Variants in NEDD4L observed in about 807,000 individuals in gnomAD.
NEDD4L encodes E3 ubiquitin-protein ligase NEDD4-like.
Under a neutral mutation model 148.9 loss-of-function variants are expected in NEDD4L, and 54 were observed. That is an observed-to-expected ratio of 0.36 (90% CI 0.29 to 0.45). The LOEUF is 0.45. Among genes scored for constraint, NEDD4L ranks in the 20% least tolerant of loss-of-function variants. The pLI is 1.00. For synonymous variants in NEDD4L, 433 were observed against 440.7 expected (o/e 0.98, Z 0.22); for missense variants, 856 against 1,233.8 (o/e 0.69, Z 4.59).
chr18:58,057,972 C>A (rs1201040990), intron 1 of NEDD4L, among the ~76,000 whole-genome samples: 1 of 152,192 alleles, frequency 6.6e-6, no homozygotes, highest in African/African-American at 2.4e-5. Context: ...GTACCCACTT[C>A]CCTTCACTCA....
intron 1 of NEDD4L, among the ~76,000 whole-genome samples, chr18:58,074,717 T>A (rs1334273605): frequency 6.6e-6 from 1 of 152,162 alleles, no homozygotes; most frequent in Admixed American, 6.5e-5. Flanking sequence ...TAAGGAATGA[T>A]AATTTGTTTT....
chr18:58,201,374 A>G (rs1423355210), intron 2 of NEDD4L, among the ~76,000 whole-genome samples: 2 of 152,196 alleles, frequency 1.3e-5, no homozygotes, highest in Admixed American at 1.3e-4. Flanking sequence ...CTATTTTTAA[A>G]TTATTCTTCA....
Position 58,278,066 on chromosome 18 carries a change from T to G in NEDD4L, c.297+26012T>G, listed in dbSNP as rs375189923. ...TGTTTTCGCCTTCCGTGTCATTGTTTGAGAAATATCCAAGATTCCTTCTTT... is the reference window on the plus strand; with the variant it reads ...TGTTTTCGCCTTCCGTGTCATTGTTGGAGAAATATCCAAGATTCCTTCTTT... On this transcript the variant is annotated intron_variant, in intron 5 of 30. Coordinates refer to ENST00000400345, the MANE Select transcript of NEDD4L (RefSeq NM_001144967.3). Among the ~76,000 whole-genome samples, 7 of 152,346 alleles carry G rather than the reference T, an allele frequency of 4.6e-5. No individual in the cohort carries two copies. The South Asian group carries it at 6.2e-4, about 14-fold the overall frequency.
At chr18:58,354,717 C>G (rs986143141) in intron 18 of NEDD4L, among the ~76,000 whole-genome samples, 28 of 152,060 alleles carry the variant, frequency 1.8e-4, no homozygotes, top group Non-Finnish European at 3.7e-4. Flanking sequence ...GAGGTTAGGT[C>G]CAGTGGGAAG....
intron 5 of NEDD4L, among the ~76,000 whole-genome samples, chr18:58,253,445 A>G (rs2048152776): frequency 6.6e-6 from 1 of 152,242 alleles, no homozygotes; most frequent in Admixed American, 6.5e-5. Context: ...ACAGTCGTAC[A>G]GTGTAACTAA....
chr18:58,192,533 G>T (rs2040223898), intron 2 of NEDD4L, among the ~76,000 whole-genome samples: 1 of 152,220 alleles, frequency 6.6e-6, no homozygotes, highest in Non-Finnish European at 1.5e-5. Context: ...CTCTAGTTTA[G>T]TGATTCACGT....
chr18:58,107,843 A>T (rs45448), intron 1 of NEDD4L, among the ~76,000 whole-genome samples: 10,785 of 152,108 alleles, frequency 0.071, 491 homozygotes, highest in African/African-American at 0.12. Context: ...CTCCCAAGTA[A>T]TTGGGACTAC....
At chr18:58,147,100 G>A (rs1324828683) in intron 1 of NEDD4L, among the ~76,000 whole-genome samples, 1 of 152,220 alleles carries the variant, frequency 6.6e-6, no homozygotes, top group Non-Finnish European at 1.5e-5. Flanking sequence ...AGAATATGTA[G>A]CAGGGTGGTT....
At chr18:58,104,667 G>A (rs2084958983) in intron 1 of NEDD4L, among the ~76,000 whole-genome samples, 1 of 152,060 alleles carries the variant, frequency 6.6e-6, no homozygotes, top group South Asian at 2.1e-4. Flanking sequence ...TCACTTCCTT[G>A]TACATTTATA....
intron 2 of NEDD4L, among the ~76,000 whole-genome samples, chr18:58,243,211 C>T (rs2046851821): frequency 6.6e-6 from 1 of 152,168 alleles, no homozygotes; most frequent in Non-Finnish European, 1.5e-5. Context: ...AAAATGAGAG[C>T]AACAGAGTTT....
chr18:58,341,588 C>A, intron 14 of NEDD4L, 90 bp from the exon 15 acceptor site: 1 of 1,380,632 alleles, frequency 7.2e-7, no homozygotes, highest in Non-Finnish European at 9.9e-7. Context: ...CTTATTATTG[C>A]TGTTTGCGTT....
At chr18:58,052,406 A>G (rs78979596) in intron 1 of NEDD4L, among the ~76,000 whole-genome samples, 2,752 of 152,274 alleles carry the variant, frequency 0.018, 76 homozygotes, top group African/African-American at 0.063. Flanking sequence ...GCCTTATTAT[A>G]TAAGTGTATC....
intron 13 of NEDD4L, among the ~76,000 whole-genome samples, chr18:58,337,600 A>G (rs1049544367): frequency 2.6e-5 from 4 of 151,990 alleles, no homozygotes; most frequent in African/African-American, 9.7e-5. Context: ...GATGTCATGT[A>G]TACATTACTT....
chr18:58,375,684 G>A (rs927358379), intron 24 of NEDD4L, among the ~76,000 whole-genome samples: 1 of 152,068 alleles, frequency 6.6e-6, no homozygotes, highest in African/African-American at 2.4e-5. Flanking sequence ...TGACTGACGT[G>A]CTGTGTGCTG....
chr18:58,271,406 C>T (rs75783781), intron 5 of NEDD4L, among the ~76,000 whole-genome samples: 4 of 152,136 alleles, frequency 2.6e-5, no homozygotes, highest in Non-Finnish European at 4.4e-5. Flanking sequence ...TGAAGGTTTT[C>T]GTGGTTTATT....
At chr18:58,371,116 C>T (rs1278588283) in intron 23 of NEDD4L, among the ~76,000 whole-genome samples, 8 of 100,652 alleles carry the variant, frequency 7.9e-5, no homozygotes, top group African/African-American at 5.0e-4. Context: ...GATCTTGGCT[C>T]ACTTCCGCCT....
rs1312525857 is a variant in NEDD4L, at chr18:58,373,266, A to G, written c.2349A>G (p.Gly783=). Residue 783 remains glycine, a synonymous_variant, in exon 24 of 31, where the codon GGA becomes GGG. Coordinates refer to ENST00000400345, the MANE Select transcript of NEDD4L (RefSeq NM_001144967.3). ...LMFCIDEENF[G]QTYQVDLKPN... is the part of the protein sequence containing the mutation. The stretch of plus-strand genomic sequence containing the variant: ...TCTGCATAGACGAAGAAAACTTTGG[A>G]CAGGTACATGTGGGTAACCCTGGGA... 48 of 1,562,124 alleles carry G rather than the reference A, an allele frequency of 3.1e-5. No individual in the cohort carries two copies. Among genetic ancestry groups the G allele is most frequent in the East Asian group, 4.6e-5 (2 of 43,578 alleles).
At position 58,275,147 on chromosome 18, in the gene NEDD4L, A is replaced by C. The variant is rs144737133; in HGVS notation, c.297+23093A>C. Among the ~76,000 whole-genome samples, 12 of 152,360 alleles carry C rather than the reference A, an allele frequency of 7.9e-5. No homozygotes were observed. The East Asian group carries it at 2.3e-3, about 29-fold the overall frequency. On this transcript the variant is annotated intron_variant, in intron 5 of 30. Coordinates refer to ENST00000400345, the MANE Select transcript of NEDD4L (RefSeq NM_001144967.3). Reference sequence around the variant, plus strand: ...CTGATAACTTAAACAGTTGATTAGCATATATATTTTATGTTATAAAAATTA... The same window carrying C: ...CTGATAACTTAAACAGTTGATTAGCCTATATATTTTATGTTATAAAAATTA...
chr18:58,261,837 C>T (rs980269800), intron 5 of NEDD4L, among the ~76,000 whole-genome samples: 2 of 152,108 alleles, frequency 1.3e-5, no homozygotes, highest in African/African-American at 4.8e-5. Flanking sequence ...GTTAGCTATC[C>T]TAAATACGTT....
Sources: allele counts gnomAD v4.1 joint callset (sites outside exome capture counted in the v4.1 genomes callset), GRCh38; gene constraint gnomAD v4.1.1; transcripts MANE v1.5; gene names NCBI Gene and HGNC (gene_info 2026-07-23, HGNC 2026-07-21).